The following FSTL5 variants were observed in gnomAD, a reference collection of about 807,000 sequenced individuals.
FSTL5 encodes the protein follistatin-related protein 5.
In FSTL5, 62 loss-of-function variants were observed where a neutral mutation model predicts 89.1. The observed-to-expected ratio is 0.70, with a 90% CI of 0.57 to 0.86. The LOEUF is 0.86. Among genes scored for constraint, FSTL5 ranks in the 40% least tolerant of loss-of-function variants. FSTL5 has a pLI of 0.00. For missense variants in FSTL5, 1,057 were observed against 1,001.6 expected, an observed-to-expected ratio of 1.06 and a Z score of -0.75; for synonymous variants, 383 against 346.2, an observed-to-expected ratio of 1.11 and a Z score of -1.18.
At chr4:161,545,288 T>G (rs993566291) in intron 8 of FSTL5, among the ~76,000 whole-genome samples, 10 of 151,852 alleles carry the variant, frequency 6.6e-5, no homozygotes, top group Admixed American at 4.6e-4. Flanking sequence ...GAAGTCAGAG[T>G]TGATTACTAA....
intron 15 of FSTL5, among the ~76,000 whole-genome samples, chr4:161,393,022 G>A (rs1578938877): frequency 1.3e-5 from 2 of 152,034 alleles, no homozygotes; most frequent in South Asian, 4.2e-4. Flanking sequence ...AAATTAGCCA[G>A]GTATGGTGCC....
chr4:162,051,799 G>T (rs1243631909), intron 2 of FSTL5, among the ~76,000 whole-genome samples: 1 of 151,298 alleles, frequency 6.6e-6, no homozygotes, highest in East Asian at 1.9e-4. Context: ...ACCACATGAT[G>T]AAATTCATGG....
Position 162,076,070 on chromosome 4 carries a change from G to A in FSTL5, c.126+35201C>T, listed in dbSNP as rs547097587. On this transcript the variant is annotated intron_variant, in intron 2 of 15. Transcript: ENST00000306100. The stretch of plus-strand genomic sequence containing the variant: ...AAACCAATTTAAGGCATATACTATA[G>A]ATGGGAGAAAATAGAAACGATTCTT... 2.6e-5 allele frequency among the ~76,000 whole-genome samples: 4 copies of A among 151,962 alleles called. No homozygotes were observed. The South Asian group carries it at 8.3e-4, about 32-fold the overall frequency.
At chr4:161,751,198 T>G (rs1740379532) in intron 6 of FSTL5, among the ~76,000 whole-genome samples, 1 of 151,940 alleles carries the variant, frequency 6.6e-6, no homozygotes, top group African/African-American at 2.4e-5. Flanking sequence ...AAGGACGGAG[T>G]TATTTTACCA....
At chr4:161,995,153 G>A (rs1341536097) in intron 3 of FSTL5, among the ~76,000 whole-genome samples, 1 of 152,068 alleles carries the variant, frequency 6.6e-6, no homozygotes, top group East Asian at 1.9e-4. Flanking sequence ...TAGAATGCAA[G>A]TTTATGGAGG....
chr4:162,137,621 G>C (rs1732568429), intron 1 of FSTL5, among the ~76,000 whole-genome samples: 1 of 152,088 alleles, frequency 6.6e-6, no homozygotes, highest in African/African-American at 2.4e-5. Flanking sequence ...CTGATGGATT[G>C]AATAAGTTGT....
intron 2 of FSTL5, among the ~76,000 whole-genome samples, chr4:162,074,585 A>T (rs2111318145): frequency 6.6e-6 from 1 of 151,904 alleles, no homozygotes; most frequent in African/African-American, 2.4e-5. Flanking sequence ...GAATTGTTCC[A>T]TCATCATATG....
chr4:161,975,325 T>C (rs1410071848), intron 3 of FSTL5, among the ~76,000 whole-genome samples: 1 of 152,028 alleles, frequency 6.6e-6, no homozygotes, highest in Non-Finnish European at 1.5e-5. Flanking sequence ...GCGGCATTAT[T>C]CACAATAGTA....
At chr4:161,501,634 A>G (rs954649624) in intron 11 of FSTL5, among the ~76,000 whole-genome samples, 2 of 151,994 alleles carry the variant, frequency 1.3e-5, no homozygotes, top group African/African-American at 4.8e-5. Flanking sequence ...GTAATCTTTA[A>G]TAGTTAATTA....
intron 2 of FSTL5, among the ~76,000 whole-genome samples, chr4:162,089,401 G>A (rs912390312): frequency 3.9e-5 from 6 of 152,068 alleles, no homozygotes; most frequent in East Asian, 3.9e-4. Context: ...TTGGGATGCC[G>A]AGGCGGGTGG....
At chr4:162,035,453 A>G (rs1737700420) in intron 2 of FSTL5, 1 of 152,074 alleles carries the variant, frequency 6.6e-6, no homozygotes, top group South Asian at 2.1e-4. Context: ...GGGGAGAAAA[A>G]AATTTCAAAT....
intron 11 of FSTL5, among the ~76,000 whole-genome samples, chr4:161,504,249 G>C (rs1464006849): frequency 6.6e-6 from 1 of 151,774 alleles, no homozygotes; most frequent in East Asian, 1.9e-4. Flanking sequence ...TTAGTAGATA[G>C]AGATACACCT....
At chr4:161,564,204 A>G (rs1326002081) in intron 8 of FSTL5, among the ~76,000 whole-genome samples, 2 of 151,430 alleles carry the variant, frequency 1.3e-5, no homozygotes, top group Non-Finnish European at 3.0e-5. Context: ...CAAATTATAA[A>G]TTATGCATGT....
At chr4:162,134,479 T>C (rs191521825) in intron 1 of FSTL5, among the ~76,000 whole-genome samples, 1 of 152,302 alleles carries the variant, frequency 6.6e-6, no homozygotes, top group East Asian at 1.9e-4. Context: ...TGAGAATATT[T>C]CAAAAATATT....
chr4:161,462,208 T>C (rs1222055179), intron 13 of FSTL5, among the ~76,000 whole-genome samples: 1 of 152,206 alleles, frequency 6.6e-6, no homozygotes, highest in Non-Finnish European at 1.5e-5. Context: ...TGGGATCTGA[T>C]AGTCTGTGTT....
chr4:161,718,663 C>T (rs1486521383), intron 6 of FSTL5, among the ~76,000 whole-genome samples: 5 of 152,164 alleles, frequency 3.3e-5, no homozygotes, highest in Non-Finnish European at 5.9e-5. Context: ...CTCCTGACCT[C>T]GTGGCCCACC....
chr4:161,914,710 A>G (rs1733791884), intron 4 of FSTL5, among the ~76,000 whole-genome samples: 1 of 152,174 alleles, frequency 6.6e-6, no homozygotes, highest in South Asian at 2.1e-4. Flanking sequence ...TTCTATGTTA[A>G]TTTGACCAGA....
rs529039955 is a variant in FSTL5, at chr4:161,716,069, C to A, written c.727+43342G>T. Among the ~76,000 whole-genome samples the A allele has an allele frequency of 2.6e-5, 4 of 152,270 alleles. No individual in the cohort carries two copies. The South Asian group carries it at 8.3e-4, about 32-fold the overall frequency. ...CTTACATAACATTATGCCTTGGCCA[C>A]CTCTCTGACAAAATTCCCCCACCAC... On this transcript the variant is annotated intron_variant, in intron 6 of 15. Transcript: ENST00000306100.
intron 15 of FSTL5, among the ~76,000 whole-genome samples, chr4:161,432,731 A>T (rs926927480): frequency 3.9e-5 from 6 of 151,988 alleles, no homozygotes; most frequent in Admixed American, 1.3e-4. Flanking sequence ...ACAATCAGAG[A>T]TTTAAAAAAC....
Sources: gnomAD v4.1 joint callset for allele counts (sites outside exome capture counted in the v4.1 genomes callset) on GRCh38, gnomAD v4.1.1 for gene constraint, MANE v1.5 for transcripts, NCBI Gene and HGNC (gene_info 2026-07-23, HGNC 2026-07-21) for gene names.